EBF1: variants seen among roughly 807,000 people sequenced by gnomAD.
The protein encoded by EBF1 is transcription factor COE1.
A neutral mutation model predicts 68.4 loss-of-function variants in EBF1; 10 were observed. That is an observed-to-expected ratio of 0.15 (90% confidence interval 0.09 to 0.25). The LOEUF (loss-of-function observed/expected upper bound fraction) is 0.25. EBF1 is among the 10% of genes least tolerant of loss of function. The pLI is 1.00. For missense variants in EBF1, 509 were observed against 794.4 expected (o/e 0.64, Z 4.32); for synonymous variants, 298 against 299.8 (o/e 0.99, Z 0.06).
chr5:158,701,555 C>T (rs1224062805), intron 15 of EBF1, among the ~76,000 whole-genome samples: 3 of 152,134 alleles, frequency 2.0e-5, no homozygotes, highest in Admixed American at 6.5e-5. Flanking sequence ...GCCCAGGCTG[C>T]GAACAGCAGT....
intron 10 of EBF1, among the ~76,000 whole-genome samples, chr5:158,775,776 GCACACAGACACACACACACACACACA>G (rs1775044223): frequency 1.8e-5 from 1 of 56,002 alleles, no homozygotes; most frequent in Admixed American, 2.0e-4. Flanking sequence ...ACACACACAT[GCACACAGACACACACACACACACACA>G]CACACACACA....
chr5:158,866,333 A>G (rs1213668302), intron 6 of EBF1, among the ~76,000 whole-genome samples: 1 of 152,216 alleles, frequency 6.6e-6, no homozygotes, highest in Admixed American at 6.5e-5. Flanking sequence ...TAGGGAGTAG[A>G]AAGTCAAGGC....
intron 6 of EBF1, among the ~76,000 whole-genome samples, chr5:158,866,863 A>G (rs746786846): frequency 0.16 from 9,449 of 58,468 alleles, 808 homozygotes; most frequent in Non-Finnish European, 0.21. Context: ...ATATATATAT[A>G]TATATATATA....
At chr5:158,975,259 C>T (rs1327218807) in intron 6 of EBF1, among the ~76,000 whole-genome samples, 2 of 152,280 alleles carry the variant, frequency 1.3e-5, no homozygotes, top group Middle Eastern at 3.4e-3. Flanking sequence ...TTTCCATAGT[C>T]CTGACCCCAC....
At chr5:159,022,858 CAATGCAAGAA>C (rs1766988297) in intron 6 of EBF1, among the ~76,000 whole-genome samples, 1 of 151,902 alleles carries the variant, frequency 6.6e-6, no homozygotes, top group Non-Finnish European at 1.5e-5. Flanking sequence ...GAAGAGCCTT[CAATGCAAGAA>C]AATGCAAGAA....
At chr5:158,853,072 A>G (rs949585467) in intron 6 of EBF1, among the ~76,000 whole-genome samples, 2 of 152,152 alleles carry the variant, frequency 1.3e-5, no homozygotes, top group African/African-American at 4.8e-5. Flanking sequence ...AAACTTTTGT[A>G]TACTTGTTTT....
At chr5:158,824,626 G>C (rs1180504395) in intron 7 of EBF1, among the ~76,000 whole-genome samples, 1 of 152,226 alleles carries the variant, frequency 6.6e-6, no homozygotes, top group Non-Finnish European at 1.5e-5. Context: ...CACAGATGGA[G>C]GCCTCAGTTT....
chr5:159,062,057 A>G (rs1359156320), intron 6 of EBF1, among the ~76,000 whole-genome samples: 1 of 152,198 alleles, frequency 6.6e-6, no homozygotes, highest in East Asian at 1.9e-4. Flanking sequence ...AATATGTGTA[A>G]TCTGTCTGTC....
chr5:158,873,862 T>G (rs180714002), intron 6 of EBF1, among the ~76,000 whole-genome samples: 1 of 152,290 alleles, frequency 6.6e-6, no homozygotes, highest in Non-Finnish European at 1.5e-5. Context: ...AGTATGTAGG[T>G]ATACAGTGAG....
intron 6 of EBF1, among the ~76,000 whole-genome samples, chr5:158,847,047 T>G (rs1464759223): frequency 6.6e-6 from 1 of 152,184 alleles, no homozygotes. Flanking sequence ...TGGCTGCCCC[T>G]ATTCTTGGCC....
chr5:158,712,227 G>A lies in EBF1; in HGVS notation c.1476C>T (p.Gly492=), dbSNP rs749775088. Residue 492 remains glycine (G), a synonymous_variant, in exon 14 of 16, where the codon GGC becomes GGT. Transcript: ENST00000313708. The part of the protein sequence containing the change: ...NSVTTSMNGY[G]SAAMSNLGGS... The stretch of plus-strand genomic sequence containing the variant: ...CGCCCAAATTGGACATTGCGGCAGA[G>A]CCGTATCCGTTCATGCTCGTGGTGA... 6.2e-7 allele frequency: 1 copy of A among 1,613,840 alleles called. No individual in the cohort carries two copies. The highest frequency in any genetic ancestry group is 8.5e-7 in the Non-Finnish European group (1 of 1,179,894).
intron 8 of EBF1, among the ~76,000 whole-genome samples, chr5:158,814,081 C>T (rs192201585): frequency 6.6e-6 from 1 of 152,334 alleles, no homozygotes; most frequent in East Asian, 1.9e-4. Flanking sequence ...CAGGCTGGCT[C>T]ATACCTGTAA....
At chr5:158,963,071 C>T (rs1382470449) in intron 6 of EBF1, among the ~76,000 whole-genome samples, 1 of 152,206 alleles carries the variant, frequency 6.6e-6, no homozygotes, top group Non-Finnish European at 1.5e-5. Context: ...CAAGGTTTTA[C>T]TACAATCACG....
At chr5:159,086,547 G>T (rs1211892383) in intron 4 of EBF1, among the ~76,000 whole-genome samples, 5 of 152,102 alleles carry the variant, frequency 3.3e-5, no homozygotes, top group Admixed American at 6.6e-5. Flanking sequence ...CTCTCAATTT[G>T]GGTTTGCCTG....
At chr5:159,088,891 C>T (rs1293953948) in intron 4 of EBF1, among the ~76,000 whole-genome samples, 1 of 152,038 alleles carries the variant, frequency 6.6e-6, no homozygotes, top group Non-Finnish European at 1.5e-5. Flanking sequence ...ATCAAAAATG[C>T]AATATCAAGT....
chr5:158,795,144 T>C (rs1239405881), intron 9 of EBF1, among the ~76,000 whole-genome samples: 2 of 152,156 alleles, frequency 1.3e-5, no homozygotes, highest in Non-Finnish European at 2.9e-5. Flanking sequence ...AAGACAAACA[T>C]ACCCAAGTAT....
At chr5:158,711,435 A>C (rs1032253864) in intron 14 of EBF1, among the ~76,000 whole-genome samples, 21 of 152,344 alleles carry the variant, frequency 1.4e-4, no homozygotes, top group African/African-American at 5.1e-4. Context: ...TGTGTCCGGC[A>C]TCAGGACAAG....
At chr5:158,849,685 C>T (rs1484805044) in intron 6 of EBF1, among the ~76,000 whole-genome samples, 1 of 152,202 alleles carries the variant, frequency 6.6e-6, no homozygotes, top group Non-Finnish European at 1.5e-5. Context: ...CTGACTTAAA[C>T]TACCTGCAAA....
intron 6 of EBF1, among the ~76,000 whole-genome samples, chr5:158,905,733 A>G (rs1201855316): frequency 2.0e-5 from 3 of 152,202 alleles, no homozygotes; most frequent in Non-Finnish European, 4.4e-5. Flanking sequence ...TGAAATATGC[A>G]TCACCGAAGC....
Sources: allele counts gnomAD v4.1 joint callset (sites outside exome capture counted in the v4.1 genomes callset), GRCh38; gene constraint gnomAD v4.1.1; transcripts MANE v1.5; gene names NCBI Gene and HGNC (gene_info 2026-07-23, HGNC 2026-07-21).